HS3ST4: variants seen among roughly 807,000 people sequenced by gnomAD.
HS3ST4 encodes the protein heparan sulfate-glucosamine 3-sulfotransferase 4.
In HS3ST4, 17 loss-of-function variants were observed where a neutral mutation model predicts 29.2. The ratio of observed to expected loss-of-function variants is 0.58; its 90% confidence interval spans 0.40 to 0.87. HS3ST4 has a LOEUF of 0.87. Among genes scored for constraint, HS3ST4 ranks in the 40% least tolerant of loss-of-function variants. The pLI, the probability that HS3ST4 is intolerant of heterozygous loss-of-function variation, is 0.00. For missense variants in HS3ST4, 627 were observed against 634.5 expected, an observed-to-expected ratio of 0.99 and a Z score of 0.13; for synonymous variants, 314 against 285.7, an observed-to-expected ratio of 1.10 and a Z score of -1.00.
rs534236246 is a variant in HS3ST4, at chr16:26,096,837, T to C, written c.735-38775T>C. 5.3e-3 allele frequency among the ~76,000 whole-genome samples: 811 copies of C among 152,246 alleles called. 6 individuals are homozygous for C. Among genetic ancestry groups the C allele is most frequent in the African/African-American group, 0.019 (781 of 41,532 alleles). ...ATGATTGTATATTTAGAAAACCCCA[T>C]CGTCTCAGCCCAAAATCTCCTTAAG... On this transcript the variant is annotated intron_variant, in intron 1 of 1. Transcript: ENST00000331351.
At chr16:26,016,580 T>G (rs1184125275) in intron 1 of HS3ST4, among the ~76,000 whole-genome samples, 1 of 152,176 alleles carries the variant, frequency 6.6e-6, no homozygotes, top group African/African-American at 2.4e-5. Context: ...TGCATTAAAT[T>G]TTTTAAAATG....
At chr16:25,990,883 AG>A (rs1969108025) in intron 1 of HS3ST4, among the ~76,000 whole-genome samples, 1 of 152,244 alleles carries the variant, frequency 6.6e-6, no homozygotes, top group Admixed American at 6.5e-5. Flanking sequence ...TTGTGATGAC[AG>A]CGTCTCTATA....
intron 1 of HS3ST4, among the ~76,000 whole-genome samples, chr16:25,844,401 C>T (rs1313880310): frequency 6.6e-6 from 1 of 152,160 alleles, no homozygotes; most frequent in African/African-American, 2.4e-5. Flanking sequence ...AACAACATAT[C>T]TTGGCCAGTT....
Position 26,028,098 on chromosome 16 carries a change from C to A in HS3ST4, c.735-107514C>A, listed in dbSNP as rs551575079. ...GACCAGCCTGACCAACATGGTGAAA[C>A]CCTGTCTCTACTGAAAATACAAAAA... On this transcript the variant is annotated intron_variant, in intron 1 of 1. Transcript: ENST00000331351. Among the ~76,000 whole-genome samples the A allele has an allele frequency of 5.3e-5, 8 of 151,918 alleles. No individual in the cohort carries two copies. In the South Asian group the frequency reaches 1.7e-3, roughly 32 times the overall value.
intron 1 of HS3ST4, among the ~76,000 whole-genome samples, chr16:26,115,207 A>C (rs929623108): frequency 1.3e-5 from 2 of 151,788 alleles, no homozygotes; most frequent in Admixed American, 1.3e-4. Flanking sequence ...TATAATTTCT[A>C]TGAATATATA....
At chr16:25,966,402 A>G (rs1213772468) in intron 1 of HS3ST4, among the ~76,000 whole-genome samples, 7 of 152,196 alleles carry the variant, frequency 4.6e-5, no homozygotes, top group Admixed American at 4.6e-4. Flanking sequence ...ACAGCCCATT[A>G]GTGTGGCTGT....
intron 1 of HS3ST4, among the ~76,000 whole-genome samples, chr16:25,727,561 G>C (rs1318068749): frequency 6.6e-6 from 1 of 152,158 alleles, no homozygotes; most frequent in Non-Finnish European, 1.5e-5. Context: ...GTTGTTTCTG[G>C]TTGAGGATTT....
chr16:25,980,279 C>T (rs1968990847), intron 1 of HS3ST4, among the ~76,000 whole-genome samples: 1 of 152,184 alleles, frequency 6.6e-6, no homozygotes, highest in South Asian at 2.1e-4. Context: ...GTGCTCTCAG[C>T]CCTCTTCCTG....
At chr16:26,116,842 A>G (rs532868515) in intron 1 of HS3ST4, among the ~76,000 whole-genome samples, 4 of 152,342 alleles carry the variant, frequency 2.6e-5, no homozygotes, top group African/African-American at 9.6e-5. Context: ...TTAAGCATCA[A>G]TGTGATGTTC....
At chr16:25,823,692 C>G (rs1433176640) in intron 1 of HS3ST4, among the ~76,000 whole-genome samples, 2 of 152,134 alleles carry the variant, frequency 1.3e-5, no homozygotes, top group African/African-American at 4.8e-5. Flanking sequence ...TCCTGAATAC[C>G]TGGGATTACA....
At chr16:25,923,541 T>C (rs1311834475) in intron 1 of HS3ST4, among the ~76,000 whole-genome samples, 2 of 152,190 alleles carry the variant, frequency 1.3e-5, no homozygotes, top group Non-Finnish European at 2.9e-5. Flanking sequence ...TTTTTTTGTT[T>C]GTTTGTTTTG....
At chr16:25,946,761 C>T (rs1476832913) in intron 1 of HS3ST4, among the ~76,000 whole-genome samples, 1 of 152,030 alleles carries the variant, frequency 6.6e-6, no homozygotes, top group Non-Finnish European at 1.5e-5. Flanking sequence ...CCAAACAGAT[C>T]AGGAAAGGCT....
intron 1 of HS3ST4, among the ~76,000 whole-genome samples, chr16:25,893,494 A>G (rs534577950): frequency 6.3e-4 from 96 of 152,290 alleles, no homozygotes; most frequent in African/African-American, 2.2e-3. Flanking sequence ...CTTGTGTCAC[A>G]TGCAAATTCA....
Position 25,991,272 on chromosome 16 carries a change from A to G in HS3ST4, c.735-144340A>G, listed in dbSNP as rs146952041. On this transcript the variant is annotated intron_variant, in intron 1 of 1. Coordinates refer to ENST00000331351, the MANE Select transcript of HS3ST4 (RefSeq NM_006040.3). ...AAGTGGAACATTTCTTGCTTCAATT[A>G]ATGCAAAAGGTAGCAACTCAAAGGA... Among the ~76,000 whole-genome samples, 18 of 152,374 alleles carry G rather than the reference A, an allele frequency of 1.2e-4. No individual in the cohort carries two copies. The East Asian group carries it at 2.9e-3, about 24-fold the overall frequency.
intron 1 of HS3ST4, 106 bp downstream of exon 1, chr16:25,693,257 C>G: frequency 8.0e-7 from 1 of 1,252,948 alleles, no homozygotes; most frequent in Non-Finnish European, 1.1e-6. Flanking sequence ...TCCCGAGAGG[C>G]CCAAGCCCCC....
chr16:25,816,732 G>A (rs1031175163), intron 1 of HS3ST4, among the ~76,000 whole-genome samples: 1 of 152,050 alleles, frequency 6.6e-6, no homozygotes, highest in African/African-American at 2.4e-5. Flanking sequence ...AGGCTACGAA[G>A]TCAGGCTTAC....
chr16:26,054,863 C>G (rs901950197), intron 1 of HS3ST4, among the ~76,000 whole-genome samples: 3 of 151,972 alleles, frequency 2.0e-5, no homozygotes, highest in African/African-American at 7.3e-5. Flanking sequence ...TCTGACTGCT[C>G]TTTACCTACC....
chr16:26,120,200 A>C (rs981033204), intron 1 of HS3ST4, among the ~76,000 whole-genome samples: 1 of 152,088 alleles, frequency 6.6e-6, no homozygotes, highest in Non-Finnish European at 1.5e-5. Context: ...CACAAGGTGT[A>C]TGCATCTCTC....
chr16:25,920,392 T>G lies in HS3ST4; in HGVS notation c.735-215220T>G, dbSNP rs141374821. 5.2e-3 allele frequency among the ~76,000 whole-genome samples: 784 copies of G among 152,224 alleles called. 12 individuals carry two copies. The highest frequency in any genetic ancestry group is 0.018 in the African/African-American group (763 of 41,528). ...TACGGGGCCCTCCATGATCTGCAACTCATTTTTTGAAGTCAATTTATCTTT... is the reference window on the plus strand; with the variant it reads ...TACGGGGCCCTCCATGATCTGCAACGCATTTTTTGAAGTCAATTTATCTTT... On this transcript the variant is annotated intron_variant, in intron 1 of 1. Transcript: ENST00000331351.
Sources: allele counts gnomAD v4.1 joint callset (sites outside exome capture counted in the v4.1 genomes callset), GRCh38; gene constraint gnomAD v4.1.1; transcripts MANE v1.5; gene names NCBI Gene and HGNC (gene_info 2026-07-23, HGNC 2026-07-21).